Variants in PRKG1 observed in about 807,000 individuals in gnomAD.
PRKG1 encodes the protein cGMP-dependent protein kinase 1.
A neutral mutation model predicts 88.1 loss-of-function variants in PRKG1; 35 were observed. That is an observed-to-expected ratio of 0.40 (90% confidence interval 0.30 to 0.53). The LOEUF (loss-of-function observed/expected upper bound fraction) is 0.53. PRKG1 is among the 20% of genes least tolerant of loss of function. PRKG1 has a pLI of 0.59. For synonymous variants in PRKG1, 303 were observed against 292.5 expected (o/e 1.04, Z -0.37); for missense variants, 540 against 839.8 (o/e 0.64, Z 4.41).
chr10:51,011,977 G>A (rs1407643060), intron 1 of PRKG1, among the ~76,000 whole-genome samples: 1 of 152,202 alleles, frequency 6.6e-6, no homozygotes, highest in African/African-American at 2.4e-5. Flanking sequence ...GAGAACTTGT[G>A]CAGGGGAACT....
intron 7 of PRKG1, among the ~76,000 whole-genome samples, chr10:52,092,991 C>G (rs890759015): frequency 6.6e-6 from 1 of 152,048 alleles, no homozygotes; most frequent in African/African-American, 2.4e-5. Context: ...GGTTTTGAAT[C>G]CCAATTATTA....
At position 51,534,678 on chromosome 10, in the gene PRKG1, A is replaced by C. The variant is rs550781754; in HGVS notation, c.592+66842A>C. Among the ~76,000 whole-genome samples, 399 of 151,136 alleles carry C rather than the reference A, an allele frequency of 2.6e-3. 3 individuals are homozygous for C. The highest frequency in any genetic ancestry group is 9.1e-3 in the African/African-American group (375 of 41,354). Reference sequence around the variant, plus strand: ...CGAGACTCTGTCTCAAAAAAAAAAAAAAAAGAAAGAAAGAAAGGCAGTTCT... The same window carrying C: ...CGAGACTCTGTCTCAAAAAAAAAAACAAAAGAAAGAAAGAAAGGCAGTTCT... On this transcript the variant is annotated intron_variant, in intron 3 of 17. Transcript: ENST00000373980.
chr10:51,923,617 A>C (rs1842509437), intron 5 of PRKG1, among the ~76,000 whole-genome samples: 1 of 151,518 alleles, frequency 6.6e-6, no homozygotes, highest in African/African-American at 2.4e-5. Context: ...CCATCTTTCA[A>C]TTAACACTAC....
intron 4 of PRKG1, among the ~76,000 whole-genome samples, chr10:51,860,776 C>A (rs1475183259): frequency 6.6e-6 from 1 of 152,116 alleles, no homozygotes; most frequent in Non-Finnish European, 1.5e-5. Flanking sequence ...GAATTGGAAG[C>A]AAGGATAGGC....
At chr10:51,302,548 A>G (rs565421589) in intron 2 of PRKG1, 1 of 102,772 alleles carries the variant, frequency 9.7e-6, no homozygotes, top group African/African-American at 3.9e-5. Flanking sequence ...ATTGGTAGCA[A>G]AACATCACTT....
intron 2 of PRKG1, among the ~76,000 whole-genome samples, chr10:51,313,768 G>A (rs972564360): frequency 3.3e-5 from 5 of 152,006 alleles, no homozygotes; most frequent in South Asian, 2.1e-4. Context: ...ACCCAGAAAC[G>A]TCCTCCTGTA....
At chr10:51,903,501 A>C in intron 4 of PRKG1, among the ~76,000 whole-genome samples, 1 of 152,142 alleles carries the variant, frequency 6.6e-6, no homozygotes, top group East Asian at 1.9e-4. Context: ...ATAACTGTAT[A>C]TCCGTTAATC....
intron 2 of PRKG1, chr10:51,299,505 C>T: frequency 2.2e-6 from 1 of 463,634 alleles, no homozygotes; most frequent in South Asian, 1.6e-5. Context: ...CATGCCCCGC[C>T]TCTTTTTGCT....
At chr10:52,036,057 G>T (rs1399243182) in intron 5 of PRKG1, among the ~76,000 whole-genome samples, 2 of 152,172 alleles carry the variant, frequency 1.3e-5, no homozygotes, top group East Asian at 1.9e-4. Flanking sequence ...GTTTTTATGA[G>T]AATTATGCTG....
chr10:51,752,554 G>A (rs1177893418), intron 3 of PRKG1, among the ~76,000 whole-genome samples: 1 of 152,134 alleles, frequency 6.6e-6, no homozygotes, highest in Non-Finnish European at 1.5e-5. Context: ...TTGGCTTTTA[G>A]TCTAGTGAGT....
intron 1 of PRKG1, among the ~76,000 whole-genome samples, chr10:51,001,902 C>A (rs1308578561): frequency 6.6e-6 from 1 of 152,104 alleles, no homozygotes; most frequent in Non-Finnish European, 1.5e-5. Flanking sequence ...ATATAACTTT[C>A]TCAATATCAG....
chr10:51,791,115 G>A (rs544403708), intron 3 of PRKG1, among the ~76,000 whole-genome samples: 4 of 152,090 alleles, frequency 2.6e-5, no homozygotes, highest in Non-Finnish European at 4.4e-5. Context: ...CTATCTGGTC[G>A]ATTCATTCAA....
At chr10:51,863,406 T>C (rs141899277) in intron 4 of PRKG1, among the ~76,000 whole-genome samples, 2 of 152,230 alleles carry the variant, frequency 1.3e-5, no homozygotes, top group East Asian at 1.9e-4. Context: ...TGCCTGACTA[T>C]GCTTAAAATT....
chr10:52,223,813 A>C (rs546033828), intron 9 of PRKG1, among the ~76,000 whole-genome samples: 1 of 152,210 alleles, frequency 6.6e-6, no homozygotes, highest in African/African-American at 2.4e-5. Context: ...TGAGGCTCAA[A>C]ATTTCAGAAT....
At chr10:51,584,403 A>C (rs1053899002) in intron 3 of PRKG1, among the ~76,000 whole-genome samples, 1 of 152,062 alleles carries the variant, frequency 6.6e-6, no homozygotes, top group Non-Finnish European at 1.5e-5. Context: ...AAAATCATCT[A>C]AAAGGAATAT....
At position 51,686,434 on chromosome 10, in the gene PRKG1, G is replaced by T. The variant is rs114522018; in HGVS notation, c.593-118151G>T. On this transcript the variant is annotated intron_variant, in intron 3 of 17. Coordinates refer to ENST00000373980, the MANE Select transcript of PRKG1 (RefSeq NM_006258.4). ...CCTGTGTTAGATTGCATAGGATAAT[G>T]GAGCTTTGGCCATTTTAAACCAAGG... Among the ~76,000 whole-genome samples, 922 of 152,232 alleles carry T rather than the reference G, an allele frequency of 6.1e-3. 16 individuals are homozygous for T. The highest frequency in any genetic ancestry group is 0.021 in the African/African-American group (880 of 41,546).
intron 2 of PRKG1, among the ~76,000 whole-genome samples, chr10:51,166,643 T>G (rs1846550222): frequency 6.6e-6 from 1 of 152,200 alleles, no homozygotes. Context: ...TTAAATTATT[T>G]ATTTATTACA....
chr10:51,723,722 A>G (rs905754031), intron 3 of PRKG1, among the ~76,000 whole-genome samples: 1 of 152,226 alleles, frequency 6.6e-6, no homozygotes. Flanking sequence ...AATATTTAAC[A>G]TAAAAAATCC....
At chr10:51,335,539 A>G (rs1841854181) in intron 2 of PRKG1, among the ~76,000 whole-genome samples, 1 of 149,022 alleles carries the variant, frequency 6.7e-6, no homozygotes, top group African/African-American at 2.5e-5. Context: ...TATGCTACAT[A>G]TTTTTTTTTT....
Sources: gnomAD v4.1 joint callset for allele counts (sites outside exome capture counted in the v4.1 genomes callset) on GRCh38, gnomAD v4.1.1 for gene constraint, MANE v1.5 for transcripts, NCBI Gene and HGNC (gene_info 2026-07-23, HGNC 2026-07-21) for gene names.